The following TAFA5 variants were observed in gnomAD, a reference collection of about 807,000 sequenced individuals.
TAFA5 encodes the protein TAFA chemokine like family member 5, also known as chemokine-like protein TAFA-5.
Under a neutral mutation model 15.3 loss-of-function variants are expected in TAFA5, and 6 were observed. The observed-to-expected ratio is 0.39, with a 90% CI of 0.21 to 0.77. The LOEUF (loss-of-function observed/expected upper bound fraction) is 0.77, where lower values mean the gene tolerates loss of function less well. TAFA5 is among the 30% of genes least tolerant of loss of function. TAFA5 has a pLI of 0.41. For synonymous variants in TAFA5, 103 were observed against 80.7 expected, an observed-to-expected ratio of 1.28 and a Z score of -1.48; for missense variants, 161 against 193.1, an observed-to-expected ratio of 0.83 and a Z score of 0.98.
At chr22:48,492,360 T>C (rs1035070144) in intron 1 of TAFA5, among the ~76,000 whole-genome samples, 1 of 152,178 alleles carries the variant, frequency 6.6e-6, no homozygotes, top group Admixed American at 6.5e-5. Context: ...TCATACAGCG[T>C]TCAATTATCC....
chr22:48,745,105 C>T lies in TAFA5; in HGVS notation c.391-4734C>T, dbSNP rs373889154. Among the ~76,000 whole-genome samples the T allele has an allele frequency of 4.5e-3, 692 of 152,366 alleles. 4 individuals carry two copies. Among genetic ancestry groups the T allele is most frequent in the African/African-American group, 0.016 (647 of 41,584 alleles). On this transcript the variant is annotated intron_variant, in intron 3 of 3. Transcript: ENST00000402357. ...GGACCATTAGCCTGTGAGGGTGTCT[C>T]AGCAGCCCTGAGCCCTGAACCCGAG...
intron 2 of TAFA5, among the ~76,000 whole-genome samples, chr22:48,658,417 G>A (rs1159210172): frequency 1.3e-5 from 2 of 152,236 alleles, no homozygotes; most frequent in African/African-American, 4.8e-5. Context: ...CAGTTCCGCA[G>A]CTCCCTGCCT....
At chr22:48,612,122 G>A (rs1382402676) in intron 1 of TAFA5, among the ~76,000 whole-genome samples, 1 of 152,158 alleles carries the variant, frequency 6.6e-6, no homozygotes, top group African/African-American at 2.4e-5. Context: ...CGTCTATGCA[G>A]GTGCAGGAGC....
intron 1 of TAFA5, among the ~76,000 whole-genome samples, chr22:48,620,433 C>G (rs1157451443): frequency 6.6e-6 from 1 of 152,080 alleles, no homozygotes; most frequent in Non-Finnish European, 1.5e-5. Context: ...TTCTGATGCT[C>G]ATAAAATTCA....
At chr22:48,739,136 C>T (rs531907077) in intron 3 of TAFA5, among the ~76,000 whole-genome samples, 16 of 152,318 alleles carry the variant, frequency 1.1e-4, no homozygotes, top group Non-Finnish European at 2.1e-4. Flanking sequence ...AACCCTCCCC[C>T]GCACCAGGGC....
chr22:48,580,595 G>A (rs1601592372), intron 1 of TAFA5, among the ~76,000 whole-genome samples: 1 of 152,176 alleles, frequency 6.6e-6, no homozygotes, highest in East Asian at 1.9e-4. Context: ...CTTGGTGAGG[G>A]CTCGAGGCTG....
At chr22:48,569,730 C>G (rs9627382) in intron 1 of TAFA5, among the ~76,000 whole-genome samples, 21,574 of 152,206 alleles carry the variant, frequency 0.14, 1,951 homozygotes, top group African/African-American at 0.26. Context: ...CCACGTGCAT[C>G]CCGGGGGGTG....
intron 1 of TAFA5, among the ~76,000 whole-genome samples, chr22:48,631,528 T>C (rs1465456375): frequency 2.0e-5 from 3 of 152,134 alleles, no homozygotes; most frequent in East Asian, 1.9e-4. Flanking sequence ...TGTCCCCAGG[T>C]CTCCAGCTGT....
intron 1 of TAFA5, among the ~76,000 whole-genome samples, chr22:48,509,389 T>C (rs574969814): frequency 6.6e-6 from 1 of 152,364 alleles, no homozygotes; most frequent in Non-Finnish European, 1.5e-5. Flanking sequence ...ATCTCCGTAC[T>C]GTTGTCCACA....
At chr22:48,713,792 C>T (rs544358921) in intron 3 of TAFA5, among the ~76,000 whole-genome samples, 7 of 152,196 alleles carry the variant, frequency 4.6e-5, no homozygotes, top group African/African-American at 1.4e-4. Context: ...CCTGCAAGCT[C>T]GGAGCCTGGA....
At chr22:48,592,655 C>T (rs534836855) in intron 1 of TAFA5, among the ~76,000 whole-genome samples, 37 of 152,268 alleles carry the variant, frequency 2.4e-4, no homozygotes, top group African/African-American at 7.2e-4. Context: ...CCCTCCCTCC[C>T]TCCCTCCCTC....
intron 2 of TAFA5, among the ~76,000 whole-genome samples, chr22:48,685,334 C>T (rs1183825617): frequency 6.6e-6 from 1 of 152,182 alleles, no homozygotes; most frequent in East Asian, 1.9e-4. Context: ...GTGTCAGACT[C>T]TTAGTGAAAT....
At chr22:48,682,588 C>T (rs1431796236) in intron 2 of TAFA5, among the ~76,000 whole-genome samples, 2 of 152,248 alleles carry the variant, frequency 1.3e-5, no homozygotes, top group Non-Finnish European at 2.9e-5. Context: ...ACGTCATTTG[C>T]ATATAACCCA....
At chr22:48,606,689 C>T (rs908144575) in intron 1 of TAFA5, among the ~76,000 whole-genome samples, 2 of 152,226 alleles carry the variant, frequency 1.3e-5, no homozygotes, top group African/African-American at 4.8e-5. Context: ...AAACTGGCGT[C>T]TGGGATTCAG....
intron 2 of TAFA5, among the ~76,000 whole-genome samples, chr22:48,682,451 G>A (rs1326072433): frequency 2.6e-5 from 4 of 152,204 alleles, no homozygotes; most frequent in African/African-American, 4.8e-5. Context: ...ACATATCATC[G>A]TGAGCTTCTG....
intron 3 of TAFA5, among the ~76,000 whole-genome samples, chr22:48,728,564 TTA>T (rs1929772331): frequency 1.3e-5 from 2 of 152,354 alleles, no homozygotes; most frequent in African/African-American, 4.8e-5. Flanking sequence ...CTGAACAATA[TTA>T]TATATGCATT....
chr22:48,531,317 G>A (rs133477), intron 1 of TAFA5, among the ~76,000 whole-genome samples: 36,583 of 152,036 alleles, frequency 0.24, 4,883 homozygotes, highest in Middle Eastern at 0.3. Context: ...GGGCTGTGAT[G>A]AAGACTGGGC....
At chr22:48,669,353 C>G (rs1927728122) in intron 2 of TAFA5, among the ~76,000 whole-genome samples, 1 of 152,238 alleles carries the variant, frequency 6.6e-6, no homozygotes, top group African/African-American at 2.4e-5. Flanking sequence ...AGAAACCTAT[C>G]AGGCAAAAGG....
chr22:48,750,782 T>G lies in TAFA5; in HGVS notation c.*935T>G, dbSNP rs1930466464. On this transcript the variant is annotated 3_prime_UTR_variant, in exon 4 of 4. Coordinates refer to ENST00000402357, the MANE Select transcript of TAFA5 (RefSeq NM_001082967.3). Reference sequence around the variant, plus strand: ...AAAGCAAAGAAAACTCGAGTAACACTTGTTTGAAAGAGATCATTAAATGTA... The same window carrying G: ...AAAGCAAAGAAAACTCGAGTAACACGTGTTTGAAAGAGATCATTAAATGTA... 6.5e-6 allele frequency: 1 copy of G among 152,716 alleles called. No homozygotes were observed. Among genetic ancestry groups the G allele is most frequent in the Admixed American group, 6.5e-5 (1 of 15,290 alleles). The allele number at this position is 152,716 out of a possible 1,614,324, so 9.5% of individuals were successfully genotyped here. A position where few individuals can be genotyped will look rare whatever the true frequency, so the allele number is the denominator to read the frequency against.
Sources: allele counts gnomAD v4.1 joint callset (sites outside exome capture counted in the v4.1 genomes callset), GRCh38; gene constraint gnomAD v4.1.1; transcripts MANE v1.5; gene names NCBI Gene and HGNC (gene_info 2026-07-23, HGNC 2026-07-21).